EEFSEC: variants seen among roughly 807,000 people sequenced by gnomAD.
EEFSEC encodes selenocysteine-specific elongation factor.
In EEFSEC, 43 loss-of-function variants were observed where a neutral mutation model predicts 42.1. The observed-to-expected ratio is 1.02, with a 90% CI of 0.80 to 1.32. EEFSEC has a LOEUF of 1.32. Ranked by LOEUF, EEFSEC falls within the 40% of genes most tolerant of loss-of-function variation. The pLI, the probability that EEFSEC is intolerant of heterozygous loss-of-function variation, is 0.00. For missense variants in EEFSEC, 745 were observed against 803.6 expected (o/e 0.93, Z 0.88); for synonymous variants, 354 against 339.1 (o/e 1.04, Z -0.48).
rs1363446896 is a variant in EEFSEC at position 128,273,511 on chromosome 3, G to A, written c.786+8730G>A. Among the ~76,000 whole-genome samples, 5 of 152,200 alleles carry A rather than the reference G, an allele frequency of 3.3e-5. No homozygotes were observed. In the East Asian group the frequency reaches 9.6e-4, roughly 29 times the overall value. Reference sequence around the variant, plus strand: ...CTTGTTCTTAACCCCCAAACCCCAAGTGAATGGCATGCCCTTTTCCATCAG... The same window carrying A: ...CTTGTTCTTAACCCCCAAACCCCAAATGAATGGCATGCCCTTTTCCATCAG... On this transcript the variant is annotated intron_variant, in intron 4 of 6. Transcript: ENST00000254730.
intron 1 of EEFSEC, among the ~76,000 whole-genome samples, chr3:128,190,607 A>G (rs1299425294): frequency 6.6e-6 from 1 of 152,148 alleles, no homozygotes; most frequent in Non-Finnish European, 1.5e-5. Flanking sequence ...TTAAAGAAAA[A>G]TGTTTTTATT....
At chr3:128,309,927 T>C (rs1164410777) in intron 4 of EEFSEC, among the ~76,000 whole-genome samples, 1 of 152,226 alleles carries the variant, frequency 6.6e-6, no homozygotes, top group Admixed American at 6.5e-5. Context: ...TATTCAAATG[T>C]CAGCTTTTCC....
chr3:128,417,620 A>G, the EEFSEC span, among the ~76,000 whole-genome samples: 2 of 152,018 alleles, frequency 1.3e-5, no homozygotes. This position sits in a 1 kb window ranked among gnomAD's most constrained non-coding sequence, Gnocchi z 4.3. Context: ...CCTTTTGCTC[A>G]CTGCTGTGTC....
At chr3:128,231,349 T>C (rs1481282608) in intron 1 of EEFSEC, among the ~76,000 whole-genome samples, 1 of 152,198 alleles carries the variant, frequency 6.6e-6, no homozygotes, top group Non-Finnish European at 1.5e-5. Context: ...CTTTAAAAAA[T>C]AGCCTTTTCC....
At chr3:128,232,704 C>T (rs1181090106) in intron 1 of EEFSEC, among the ~76,000 whole-genome samples, 1 of 152,206 alleles carries the variant, frequency 6.6e-6, no homozygotes, top group Non-Finnish European at 1.5e-5. Flanking sequence ...CTCTTTTTCA[C>T]TGCTCTTGAA....
intron 2 of EEFSEC, among the ~76,000 whole-genome samples, chr3:128,254,880 G>T: frequency 6.6e-6 from 1 of 152,146 alleles, no homozygotes; most frequent in Non-Finnish European, 1.5e-5. Flanking sequence ...GGCCTGGGGT[G>T]AGAAGAGCCT....
At chr3:128,407,948 G>C in intron 6 of EEFSEC, 121 bp from the exon 7 acceptor site, 1 of 943,558 alleles carries the variant, frequency 1.1e-6, no homozygotes, top group South Asian at 1.8e-5. Flanking sequence ...ACAGGCCTCA[G>C]GGCTGATTGG....
intron 4 of EEFSEC, among the ~76,000 whole-genome samples, chr3:128,316,241 C>T (rs1386851901): frequency 1.3e-5 from 2 of 152,158 alleles, no homozygotes; most frequent in South Asian, 2.1e-4. Context: ...TTCTACTTCC[C>T]AGAGAAAGCC....
intron 5 of EEFSEC, among the ~76,000 whole-genome samples, chr3:128,350,699 T>G (rs1576661948): frequency 6.6e-6 from 1 of 152,220 alleles, no homozygotes; most frequent in Non-Finnish European, 1.5e-5. Context: ...CAGCTTGATG[T>G]GCTGGAAAGA....
At chr3:128,314,544 A>G (rs1263055040) in intron 4 of EEFSEC, among the ~76,000 whole-genome samples, 6 of 152,194 alleles carry the variant, frequency 3.9e-5, no homozygotes, top group East Asian at 3.9e-4. Flanking sequence ...GGGTTTTGCC[A>G]TGTTGGCCAG....
chr3:128,235,978 G>A (rs1208799426), intron 1 of EEFSEC, among the ~76,000 whole-genome samples: 1 of 147,126 alleles, frequency 6.8e-6, no homozygotes, highest in African/African-American at 2.5e-5. Flanking sequence ...TTGTTTGTTT[G>A]TTTTCAGACG....
intron 4 of EEFSEC, among the ~76,000 whole-genome samples, chr3:128,340,812 G>T (rs538543298): frequency 6.6e-6 from 1 of 152,188 alleles, no homozygotes; most frequent in Non-Finnish European, 1.5e-5. Flanking sequence ...CTGAGCAGCT[G>T]GGGAGGCCAT....
At chr3:128,187,975 T>A (rs2065481632) in intron 1 of EEFSEC, among the ~76,000 whole-genome samples, 1 of 152,210 alleles carries the variant, frequency 6.6e-6, no homozygotes, top group Admixed American at 6.5e-5. Flanking sequence ...AATGGTGAGC[T>A]GGTGAAGCAG....
At chr3:128,334,728 C>T (rs914421096) in intron 4 of EEFSEC, among the ~76,000 whole-genome samples, 2 of 152,222 alleles carry the variant, frequency 1.3e-5, no homozygotes, top group African/African-American at 4.8e-5. Context: ...TGATGTGTTC[C>T]TCCCTCCCTC....
downstream of EEFSEC, among the ~76,000 whole-genome samples, chr3:128,411,064 GC>G (rs1030733801): frequency 2.6e-5 from 4 of 152,228 alleles, no homozygotes; most frequent in African/African-American, 9.6e-5. Context: ...CCTCTATCAG[GC>G]CCGGCATCGG....
intron 6 of EEFSEC, among the ~76,000 whole-genome samples, chr3:128,398,258 C>T (rs1037157645): frequency 6.6e-5 from 10 of 152,150 alleles, no homozygotes; most frequent in African/African-American, 2.2e-4. Flanking sequence ...AGCCAAGATG[C>T]TACAGAGCCT....
At chr3:128,362,974 G>A (rs1400205610) in intron 6 of EEFSEC, among the ~76,000 whole-genome samples, 1 of 152,164 alleles carries the variant, frequency 6.6e-6, no homozygotes, top group South Asian at 2.1e-4. Context: ...TACTCCAGAT[G>A]AGAAAAAGAA....
At chr3:128,218,584 A>G (rs1437646281) in intron 1 of EEFSEC, among the ~76,000 whole-genome samples, 1 of 152,078 alleles carries the variant, frequency 6.6e-6, no homozygotes, top group African/African-American at 2.4e-5. Context: ...ATGTTTCCAG[A>G]GGCTTGGGTT....
At chr3:128,255,303 A>G (rs1340361683) in intron 2 of EEFSEC, among the ~76,000 whole-genome samples, 2 of 152,112 alleles carry the variant, frequency 1.3e-5, no homozygotes, top group African/African-American at 4.8e-5. Flanking sequence ...AAATAAAGGT[A>G]TGGGGTTGTC....
Sources: gnomAD v4.1 joint callset for allele counts (sites outside exome capture counted in the v4.1 genomes callset) on GRCh38, gnomAD v4.1.1 for gene constraint, Gnocchi (gnomAD v3.1) non-coding constraint, MANE v1.5 for transcripts, NCBI Gene and HGNC (gene_info 2026-07-23, HGNC 2026-07-21) for gene names.